The following HSPA12A variants were observed in gnomAD, a reference collection of about 807,000 sequenced individuals.
HSPA12A encodes the protein heat shock protein family A (Hsp70) member 12A, also known as heat shock 70 kDa protein 12A.
In HSPA12A, 28 loss-of-function variants were observed where a neutral mutation model predicts 69.2. The ratio of observed to expected loss-of-function variants is 0.40; its 90% CI spans 0.30 to 0.55. The LOEUF is 0.55. Ranked by LOEUF, HSPA12A falls within the 20% of genes least tolerant of loss-of-function variation. The probability of loss-of-function intolerance (pLI) is 0.38; values close to 1 mark genes in which losing one functional copy is unlikely to be tolerated. For missense variants in HSPA12A, 686 were observed against 900.7 expected (o/e 0.76, Z 3.05); for synonymous variants, 345 against 370.5 (o/e 0.93, Z 0.79).
chr10:116,714,538 C>T (rs1421049390), intron 1 of HSPA12A, among the ~76,000 whole-genome samples: 2 of 152,170 alleles, frequency 1.3e-5, no homozygotes, highest in Admixed American at 6.5e-5. Flanking sequence ...GTCTCCCTGT[C>T]CTGGGCCTGC....
chr10:116,802,681 A>G (rs1844982954), intron 2 of HSPA12A, among the ~76,000 whole-genome samples: 1 of 152,238 alleles, frequency 6.6e-6, no homozygotes, highest in South Asian at 2.1e-4. Flanking sequence ...CCGGGGCCAC[A>G]GGAAGGGGGC....
At chr10:116,765,966 C>T (rs1431959295) in intron 2 of HSPA12A, among the ~76,000 whole-genome samples, 1 of 152,232 alleles carries the variant, frequency 6.6e-6, no homozygotes, top group Non-Finnish European at 1.5e-5. Context: ...CTGCTGCATT[C>T]CTCTCTGCAG....
intron 2 of HSPA12A, among the ~76,000 whole-genome samples, chr10:116,762,126 G>A (rs1480199628): frequency 6.6e-6 from 1 of 152,184 alleles, no homozygotes; most frequent in Admixed American, 6.5e-5. Flanking sequence ...TGTCCTCACG[G>A]ACCTTTGGCG....
At chr10:116,741,244 C>A (rs1198941553) in intron 1 of HSPA12A, among the ~76,000 whole-genome samples, 3 of 152,188 alleles carry the variant, frequency 2.0e-5, no homozygotes, top group Non-Finnish European at 4.4e-5. Context: ...GGGGCAGGTG[C>A]GGCTTGGAGT....
At chr10:116,826,360 C>G (rs1285190430) in intron 2 of HSPA12A, among the ~76,000 whole-genome samples, 11 of 152,190 alleles carry the variant, frequency 7.2e-5, no homozygotes, top group African/African-American at 2.4e-5. Context: ...ATCAATGTGC[C>G]TGGCAGACAA....
At chr10:116,705,708 C>T (rs150855025) in intron 2 of HSPA12A, among the ~76,000 whole-genome samples, 1 of 152,330 alleles carries the variant, frequency 6.6e-6, no homozygotes, top group Non-Finnish European at 1.5e-5. Context: ...GCCCTCTGTA[C>T]ACCCAGGTGA....
At chr10:116,740,637 CGT>C (rs60427815) in intron 1 of HSPA12A, among the ~76,000 whole-genome samples, 5,433 of 137,708 alleles carry the variant, frequency 0.039, 156 homozygotes, top group African/African-American at 0.079. Context: ...CTCCCAGCAC[CGT>C]GTGTGTGTGT....
rs1177431704 is a variant in HSPA12A at position 116,822,038 on chromosome 10, C to T, written c.91+12897G>A. Among the ~76,000 whole-genome samples, 4 of 152,200 alleles carry T rather than the reference C, an allele frequency of 2.6e-5. No individual in the cohort carries two copies. The East Asian group carries it at 5.8e-4, about 22-fold the overall frequency. ...CGTGCTATGCCTATCTTTTGGTGTTCGCTAAGGCATTTACATCACTTTGTA... is the reference window on the plus strand; with the variant it reads ...CGTGCTATGCCTATCTTTTGGTGTTTGCTAAGGCATTTACATCACTTTGTA... On this transcript the variant is annotated intron_variant, in intron 2 of 12. Transcript: ENST00000635765.
At chr10:116,689,117 T>C (rs1261378321) in intron 6 of HSPA12A, among the ~76,000 whole-genome samples, 2 of 152,074 alleles carry the variant, frequency 1.3e-5, no homozygotes, top group African/African-American at 4.8e-5. Flanking sequence ...CAGTGAGCCA[T>C]AGCCTGCCCC....
At chr10:116,742,803 G>A (rs1851559834), upstream of HSPA12A, among the ~76,000 whole-genome samples, 1 of 152,030 alleles carries the variant, frequency 6.6e-6, no homozygotes, top group East Asian at 1.9e-4. Context: ...CCGAGCGGTC[G>A]CCCCGCAGTC....
Position 116,683,961 on chromosome 10 carries a change from G to A in HSPA12A, c.665C>T (p.Ala222Val), listed in dbSNP as rs782739326. Reference protein sequence around the residue: ...KQFMRQAAYQAGLASPENSEQ... With the variant: ...KQFMRQAAYQVGLASPENSEQ... ...CGAGTTCTCGGGGGAGGCCAGGCCT[G>A]CCTGGAAGACAGAAACAGAGGCTGG... Residue 222 changes from alanine to valine, a missense_variant and splice_region_variant, in exon 7 of 12, where the codon GCA (alanine) becomes GTA (valine). Transcript: ENST00000369209. 1.3e-6 allele frequency: 2 copies of A among 1,567,052 alleles called. No individual in the cohort carries two copies. The highest frequency in any genetic ancestry group is 1.7e-6 in the Non-Finnish European group (2 of 1,148,902).
At chr10:116,805,559 A>G (rs1328502734) in intron 2 of HSPA12A, among the ~76,000 whole-genome samples, 2 of 152,190 alleles carry the variant, frequency 1.3e-5, no homozygotes, top group East Asian at 1.9e-4. Flanking sequence ...GAGAAAATGA[A>G]AAAGCTGTTT....
At chr10:116,728,879 C>T (rs548344141) in intron 1 of HSPA12A, among the ~76,000 whole-genome samples, 175 of 152,280 alleles carry the variant, frequency 1.1e-3, no homozygotes, top group African/African-American at 4.1e-3. Context: ...GGGGCAGGTG[C>T]GGGGAGCCTT....
intron 2 of HSPA12A, among the ~76,000 whole-genome samples, chr10:116,782,174 A>G (rs1844477946): frequency 6.6e-6 from 1 of 152,236 alleles, no homozygotes; most frequent in Non-Finnish European, 1.5e-5. Context: ...GTGAGACCAT[A>G]AGATGAGATT....
chr10:116,753,123 G>A (rs953868102), intron 2 of HSPA12A, among the ~76,000 whole-genome samples: 7 of 152,224 alleles, frequency 4.6e-5, no homozygotes, highest in Admixed American at 6.5e-5. Context: ...GGTGGTCAGC[G>A]GAGCAGGGAC....
exon 2 of HSPA12A, chr10:116,835,011 A>G: frequency 8.1e-7 from 1 of 1,231,276 alleles, no homozygotes. Flanking sequence ...CGTACACGCC[A>G]ACACTCTCCA....
intron 1 of HSPA12A, among the ~76,000 whole-genome samples, chr10:116,843,520 T>C (rs954986904): frequency 4.6e-5 from 7 of 152,172 alleles, no homozygotes; most frequent in African/African-American, 1.4e-4. Flanking sequence ...AAAATATTAG[T>C]CAGTGAGGAA....
At chr10:116,726,025 A>ACGCG (rs574451167) in intron 1 of HSPA12A, among the ~76,000 whole-genome samples, 4,077 of 67,588 alleles carry the variant, frequency 0.06, 167 homozygotes, top group African/African-American at 0.17. Flanking sequence ...ACACACACAC[A>ACGCG]CGCACACACA....
chr10:116,802,875 G>A (rs545622037), intron 2 of HSPA12A, among the ~76,000 whole-genome samples: 1 of 152,382 alleles, frequency 6.6e-6, no homozygotes, highest in Non-Finnish European at 1.5e-5. Flanking sequence ...AGTTTGAAGA[G>A]CCATGGCCTG....
Sources: gnomAD v4.1 joint callset for allele counts (sites outside exome capture counted in the v4.1 genomes callset) on GRCh38, gnomAD v4.1.1 for gene constraint, MANE v1.5 for transcripts, NCBI Gene and HGNC (gene_info 2026-07-23, HGNC 2026-07-21) for gene names.